PCDHGB1: variants seen among roughly 807,000 people sequenced by gnomAD.
PCDHGB1 encodes the protein protocadherin gamma-B1.
Under a neutral mutation model 56.6 loss-of-function variants are expected in PCDHGB1, and 34 were observed. That is an observed-to-expected ratio of 0.60 (90% confidence interval 0.46 to 0.80). PCDHGB1 has a LOEUF of 0.80. PCDHGB1 is among the 30% of genes least tolerant of loss of function. PCDHGB1 has a pLI of 0.00. For missense variants in PCDHGB1, 1,278 were observed against 1,204.6 expected, an observed-to-expected ratio of 1.06 and a Z score of -0.90; for synonymous variants, 561 against 505.9, an observed-to-expected ratio of 1.11 and a Z score of -1.46.
intron 1 of PCDHGB1, chr5:141,421,678 G>C (rs903229017): frequency 3.7e-6 from 6 of 1,613,776 alleles, no homozygotes; most frequent in Non-Finnish European, 5.1e-6. Context: ...AATTCCTGGG[G>C]CGCGATTTGC....
rs374159387 is a variant in PCDHGB1, at chr5:141,385,182, G to A, written c.2409+32513G>A. 154 of 1,614,138 alleles carry A rather than the reference G, an allele frequency of 9.5e-5. 1 individual carries two copies. The African/African-American group carries it at 1.3e-3, about 14-fold the overall frequency. ...ATTCCCATGAGGTCTCCCTCACCGC[G>A]GACTCTCGGAAGAGTCACCTGATCT... On this transcript the variant is annotated intron_variant, in intron 1 of 3. Coordinates refer to ENST00000523390, the MANE Select transcript of PCDHGB1 (RefSeq NM_018922.3).
At chr5:141,394,072 T>C (rs1384581843) in intron 1 of PCDHGB1, 4 of 1,613,840 alleles carry the variant, frequency 2.5e-6, no homozygotes, top group Non-Finnish European at 3.4e-6. Context: ...ATCTACAATA[T>C]CACAGTGATG....
chr5:141,480,651 C>T (rs780138971), intron 1 of PCDHGB1, among the ~76,000 whole-genome samples: 1 of 152,174 alleles, frequency 6.6e-6, no homozygotes, highest in African/African-American at 2.4e-5. Flanking sequence ...CTTGGTTGCA[C>T]ATTAAAATCA....
chr5:141,456,072 T>C (rs1349808406), intron 1 of PCDHGB1, among the ~76,000 whole-genome samples: 2 of 151,950 alleles, frequency 1.3e-5, no homozygotes, highest in Non-Finnish European at 2.9e-5. Flanking sequence ...TAATTTTTTG[T>C]ATTTTCAGTA....
Position 141,430,658 on chromosome 5 carries a change from G to A in PCDHGB1, c.2410-64149G>A, listed in dbSNP as rs1350572230. ...CCTGGGAGTATGTGGAAACAACGGA[G>A]GAGCTCTGACTTCCCAACTGTCCCA... On this transcript the variant is annotated intron_variant, in intron 1 of 3. Coordinates refer to ENST00000523390, the MANE Select transcript of PCDHGB1 (RefSeq NM_018922.3). The A allele has an allele frequency of 7.2e-6, 8 of 1,105,688 alleles. No individual in the cohort carries two copies. The African/African-American group carries it at 9.5e-5, about 13-fold the overall frequency. The allele number at this position is 1,105,688 out of a possible 1,614,324, so 68.5% of individuals were successfully genotyped here. A position where few individuals can be genotyped will look rare whatever the true frequency, so the allele number is the denominator to read the frequency against.
At chr5:141,503,089 G>C (rs1352372525) in intron 2 of PCDHGB1, among the ~76,000 whole-genome samples, 2 of 151,590 alleles carry the variant, frequency 1.3e-5, no homozygotes, top group Non-Finnish European at 2.9e-5. Context: ...TCCTGACCTC[G>C]TGGTCTGCCC....
Position 141,476,977 on chromosome 5 carries a change from C to A in PCDHGB1, c.2410-17830C>A, listed in dbSNP as rs141692339. On this transcript the variant is annotated intron_variant, in intron 1 of 3. Coordinates refer to ENST00000523390, the MANE Select transcript of PCDHGB1 (RefSeq NM_018922.3). The surrounding 1 kb of genome is among the most constrained non-coding windows in gnomAD (Gnocchi z 7.6). The stretch of plus-strand genomic sequence containing the variant: ...TTATTTACTCCTTCGGCAGCCACAA[C>A]CGCGCCGGCGTGCGGCAACTATTCG... 6.2e-7 allele frequency: 1 copy of A among 1,614,232 alleles called. No individual in the cohort carries two copies. The highest frequency in any genetic ancestry group is 8.5e-7 in the Non-Finnish European group (1 of 1,180,040).
At chr5:141,464,413 A>G (rs2099083422) in intron 1 of PCDHGB1, among the ~76,000 whole-genome samples, 1 of 151,632 alleles carries the variant, frequency 6.6e-6, no homozygotes, top group African/African-American at 2.4e-5. Context: ...ATATATATAT[A>G]TCTATATATA....
At chr5:141,370,963 G>T (rs1281017777) in intron 1 of PCDHGB1, 1 of 1,614,018 alleles carries the variant, frequency 6.2e-7, no homozygotes, top group Non-Finnish European at 8.5e-7. Context: ...GATGGCAGTA[G>T]GTACCCAGAG....
At chr5:141,447,280 C>T (rs2098533193) in intron 1 of PCDHGB1, among the ~76,000 whole-genome samples, 1 of 152,172 alleles carries the variant, frequency 6.6e-6, no homozygotes, top group Non-Finnish European at 1.5e-5. Context: ...GCTGGGACTA[C>T]AGGCACATGC....
At chr5:141,375,535 C>A (rs548065153) in intron 1 of PCDHGB1, 105 of 1,613,900 alleles carry the variant, frequency 6.5e-5, no homozygotes, top group Non-Finnish European at 8.3e-5. Context: ...TGGACCAGAA[C>A]GCCCAAGTCT....
intron 3 of PCDHGB1, among the ~76,000 whole-genome samples, chr5:141,509,109 G>A (rs893509101): frequency 5.3e-5 from 8 of 152,240 alleles, no homozygotes; most frequent in African/African-American, 1.9e-4. Flanking sequence ...AAACCTGAGC[G>A]CTGGTGCGTG....
chr5:141,494,943 G>A, intron 2 of PCDHGB1, 78 bp downstream of exon 2: 2 of 1,610,326 alleles, frequency 1.2e-6, no homozygotes, highest in Non-Finnish European at 1.7e-6. Flanking sequence ...ATGGGGGAGG[G>A]CCCAGCATTT....
At chr5:141,423,632 T>G in intron 1 of PCDHGB1, 1 of 1,602,602 alleles carries the variant, frequency 6.2e-7, no homozygotes, top group Non-Finnish European at 8.5e-7. Flanking sequence ...GCTATCATTT[T>G]AGGCAAATGT....
chr5:141,404,405 TC>T, intron 1 of PCDHGB1: 1 of 1,613,914 alleles, frequency 6.2e-7, no homozygotes, highest in South Asian at 1.1e-5. Flanking sequence ...CAATGAGAAT[TC>T]TAGAGTTATT....
intron 1 of PCDHGB1, chr5:141,392,848 A>C (rs374832992): frequency 1.2e-6 from 2 of 1,610,796 alleles, no homozygotes; most frequent in Non-Finnish European, 1.7e-6. Flanking sequence ...AGACGCGGCG[A>C]GCTGATCCTG....
intron 1 of PCDHGB1, chr5:141,393,007 G>T: frequency 6.2e-7 from 1 of 1,613,850 alleles, no homozygotes; most frequent in South Asian, 1.1e-5. Context: ...CACGGAGTCC[G>T]TATCGTCTCC....
rs746642302 is a variant in PCDHGB1, at chr5:141,491,107, A to G, written c.2410-3700A>G. The stretch of plus-strand genomic sequence containing the variant: ...AGCCCCAGGACTGTTCCTCGTGTCT[A>G]CACACACTGGTGAGGTGCGCACAGC... On this transcript the variant is annotated intron_variant, in intron 1 of 3. Coordinates refer to ENST00000523390, the MANE Select transcript of PCDHGB1 (RefSeq NM_018922.3). The surrounding 1 kb of genome is among the most constrained non-coding windows in gnomAD (Gnocchi z 6.9). 2.5e-6 allele frequency: 4 copies of G among 1,614,148 alleles called. No homozygotes were observed. Among genetic ancestry groups the G allele is most frequent in the Non-Finnish European group, 2.5e-6 (3 of 1,180,014 alleles).
In PCDHGB1 at chr5:141,511,532, T is replaced by G. The variant is rs548369303; in HGVS notation, c.*359T>G. Reference sequence around the variant, plus strand: ...GCCCATCCATCCCATGCCTCCCTCCTCCCCACCCCACTCCAACAGTTCCTC... The same window carrying G: ...GCCCATCCATCCCATGCCTCCCTCCGCCCCACCCCACTCCAACAGTTCCTC... On this transcript the variant is annotated 3_prime_UTR_variant, in exon 4 of 4. Transcript: ENST00000523390. 3.6e-5 allele frequency: 12 copies of G among 335,506 alleles called. No homozygotes were observed. In the East Asian group the frequency reaches 8.0e-4, roughly 22 times the overall value. The allele number at this position is 335,506 out of a possible 1,614,324, so 20.8% of individuals were successfully genotyped here. A position where few individuals can be genotyped will look rare whatever the true frequency, so the allele number is the denominator to read the frequency against.
Sources: allele counts gnomAD v4.1 joint callset (sites outside exome capture counted in the v4.1 genomes callset), GRCh38; gene constraint gnomAD v4.1.1; non-coding constraint Gnocchi (gnomAD v3.1); transcripts MANE v1.5; gene names NCBI Gene and HGNC (gene_info 2026-07-23, HGNC 2026-07-21).